FTCDNL1: variants seen among roughly 807,000 people sequenced by gnomAD.
FTCDNL1 encodes formiminotransferase N-terminal subdomain-containing protein.
Under a neutral mutation model 5.9 loss-of-function variants are expected in FTCDNL1, and 11 were observed. The ratio of observed to expected loss-of-function variants is 1.87; its 90% CI spans 1.18 to 3.10. FTCDNL1 has a LOEUF of 3.10. FTCDNL1 is among the 30% of genes most tolerant of loss of function. FTCDNL1 has a pLI of 0.00. For synonymous variants in FTCDNL1, 58 were observed against 24.8 expected (o/e 2.34, Z -3.99); for missense variants, 115 against 65.5 (o/e 1.76, Z -2.61).
chr2:199,772,106 T>G (rs1698841950), intron 3 of FTCDNL1, among the ~76,000 whole-genome samples: 1 of 152,028 alleles, frequency 6.6e-6, no homozygotes, highest in Admixed American at 6.6e-5. Context: ...ACTGTGAGAG[T>G]CAATCTGATA....
the FTCDNL1 span, among the ~76,000 whole-genome samples, chr2:199,678,404 C>T: frequency 6.6e-6 from 1 of 152,046 alleles, no homozygotes; most frequent in Admixed American, 6.6e-5. Context: ...TGTAAGATAG[C>T]CCCCTTAGAA....
chr2:199,682,899 T>G, the FTCDNL1 span, among the ~76,000 whole-genome samples: 1 of 152,232 alleles, frequency 6.6e-6, no homozygotes, highest in East Asian at 1.9e-4. Flanking sequence ...AGAATTCTTC[T>G]GTAGGAAATA....
At chr2:199,729,987 C>T in the FTCDNL1 span, among the ~76,000 whole-genome samples, 1 of 152,138 alleles carries the variant, frequency 6.6e-6, no homozygotes, top group African/African-American at 2.4e-5. Flanking sequence ...CAGCATGGTA[C>T]TGGTACCAAA....
chr2:199,703,870 T>TA, the FTCDNL1 span, among the ~76,000 whole-genome samples: 1 of 152,090 alleles, frequency 6.6e-6, no homozygotes, highest in Non-Finnish European at 1.5e-5. Flanking sequence ...TAAAAACATA[T>TA]AAAAATGAGC....
chr2:199,698,665 C>G, the FTCDNL1 span, among the ~76,000 whole-genome samples: 3 of 152,072 alleles, frequency 2.0e-5, no homozygotes, highest in Admixed American at 6.6e-5. Flanking sequence ...ATGCCCACAT[C>G]AAAAAGTTAG....
the FTCDNL1 span, among the ~76,000 whole-genome samples, chr2:199,722,139 C>A: frequency 4.6e-5 from 7 of 152,308 alleles, no homozygotes; most frequent in South Asian, 1.0e-3. Flanking sequence ...AATTAGATCT[C>A]ATTTGTCAAT....
At chr2:199,845,670 C>T (rs13390753) in intron 3 of FTCDNL1, among the ~76,000 whole-genome samples, 1,936 of 152,100 alleles carry the variant, frequency 0.013, 36 homozygotes, top group African/African-American at 0.044. Context: ...ACTCATGGCC[C>T]AACTCCAGAT....
At chr2:199,751,542 G>A in the FTCDNL1 span, among the ~76,000 whole-genome samples, 1 of 152,066 alleles carries the variant, frequency 6.6e-6, no homozygotes, top group Non-Finnish European at 1.5e-5. Context: ...TGGATTGGAA[G>A]GACAGGTCAG....
intron 3 of FTCDNL1, among the ~76,000 whole-genome samples, chr2:199,823,014 C>A (rs1701793680): frequency 6.6e-6 from 1 of 152,094 alleles, no homozygotes; most frequent in Non-Finnish European, 1.5e-5. Context: ...CCACTCCTAG[C>A]TAATTTTTGT....
chr2:199,675,573 G>C, the FTCDNL1 span, among the ~76,000 whole-genome samples: 1 of 151,934 alleles, frequency 6.6e-6, no homozygotes, highest in Non-Finnish European at 1.5e-5. Context: ...TCTCATAAAG[G>C]CAATCTGGAG....
At chr2:199,699,311 A>G in the FTCDNL1 span, among the ~76,000 whole-genome samples, 1 of 152,088 alleles carries the variant, frequency 6.6e-6, no homozygotes, top group Non-Finnish European at 1.5e-5. Flanking sequence ...TACAAAAAAT[A>G]CTAAAATTAT....
At chr2:199,846,032 C>A in intron 3 of FTCDNL1, 43 bp downstream of exon 3, 2 of 652,468 alleles carry the variant, frequency 3.1e-6, no homozygotes, top group South Asian at 1.7e-5. Context: ...CTACCTGAAC[C>A]AAAAAAAAGA....
At chr2:199,709,593 G>A in the FTCDNL1 span, among the ~76,000 whole-genome samples, 1 of 152,110 alleles carries the variant, frequency 6.6e-6, no homozygotes, top group East Asian at 1.9e-4. Context: ...AACCAAGTGA[G>A]GAAGATGTTT....
chr2:199,749,134 G>A, the FTCDNL1 span, among the ~76,000 whole-genome samples: 2 of 152,180 alleles, frequency 1.3e-5, no homozygotes, highest in African/African-American at 4.8e-5. Context: ...CCTCATCTTA[G>A]ATATTGTCTC....
chr2:199,703,677 G>C, the FTCDNL1 span, among the ~76,000 whole-genome samples: 1 of 152,074 alleles, frequency 6.6e-6, no homozygotes, highest in Non-Finnish European at 1.5e-5. Context: ...TTACCTGGGT[G>C]GCAAAATAAT....
chr2:199,754,102 C>T, the FTCDNL1 span, among the ~76,000 whole-genome samples: 16 of 152,232 alleles, frequency 1.1e-4, no homozygotes, highest in Non-Finnish European at 1.6e-4. Flanking sequence ...GGAGAGAGAA[C>T]GCAGCAGAGA....
intron 3 of FTCDNL1, among the ~76,000 whole-genome samples, chr2:199,775,363 A>G (rs1267263518): frequency 6.6e-6 from 1 of 152,232 alleles, no homozygotes; most frequent in Non-Finnish European, 1.5e-5. Flanking sequence ...GTCTTCAGAT[A>G]TAACGGCCCA....
At chr2:199,701,762 G>C in the FTCDNL1 span, among the ~76,000 whole-genome samples, 1 of 152,068 alleles carries the variant, frequency 6.6e-6, no homozygotes, top group Admixed American at 6.6e-5. Flanking sequence ...GCTGAGCTAG[G>C]CTGAGCTCAT....
intron 3 of FTCDNL1, chr2:199,760,964 T>A: frequency 1.5e-6 from 1 of 680,600 alleles, no homozygotes; most frequent in Admixed American, 2.0e-5. Context: ...CTGGCAGCTG[T>A]CTTCCAAGGC....
Sources: gnomAD v4.1 joint callset for allele counts (sites outside exome capture counted in the v4.1 genomes callset) on GRCh38, gnomAD v4.1.1 for gene constraint, MANE v1.5 for transcripts, NCBI Gene and HGNC (gene_info 2026-07-23, HGNC 2026-07-21) for gene names.